PGM3: variants seen among roughly 807,000 people sequenced by gnomAD.
The protein encoded by PGM3 is phosphoacetylglucosamine mutase.
PGM3 carries 40 observed loss-of-function variants against 66.2 expected under a neutral mutation model. That is an observed-to-expected ratio of 0.60 (90% confidence interval 0.47 to 0.79). The LOEUF (loss-of-function observed/expected upper bound fraction) is 0.79, where lower values mean the gene tolerates loss of function less well. PGM3 is among the 30% of genes least tolerant of loss of function. The probability of loss-of-function intolerance (pLI) is 0.00; values close to 1 mark genes in which losing one functional copy is unlikely to be tolerated. For synonymous variants in PGM3, 191 were observed against 224.2 expected, an observed-to-expected ratio of 0.85 and a Z score of 1.32; for missense variants, 537 against 643.4, an observed-to-expected ratio of 0.83 and a Z score of 1.79.
At chr6:83,154,574 A>G in the PGM3 span, among the ~76,000 whole-genome samples, 1 of 152,202 alleles carries the variant, frequency 6.6e-6, no homozygotes, top group African/African-American at 2.4e-5. Flanking sequence ...ATAGCACTCA[A>G]TAAATAATTA....
chr6:83,191,473 T>C lies in PGM3; in HGVS notation c.-2-459A>G. ...GATTCTTGAGTGGACTGAAACTACA[T>C]ATCCCCAAATATCTGAGAAATCTTT... is the stretch of plus-strand genomic sequence containing the variant. On this transcript the variant is annotated intron_variant, in intron 1 of 12. Transcript: ENST00000513973. 2 of 546,114 alleles carry C rather than the reference T, an allele frequency of 3.7e-6. 1 individual carries two copies. Among genetic ancestry groups the C allele is most frequent in the South Asian group, 5.0e-5 (2 of 39,718 alleles). 33.8% of individuals were successfully genotyped at this position (546,114 alleles called of 1,614,324 possible). A position where few individuals can be genotyped will look rare whatever the true frequency, so the allele number is the denominator to read the frequency against.
At chr6:83,164,006 G>GT (rs1784837708), downstream of PGM3, among the ~76,000 whole-genome samples, 1 of 151,180 alleles carries the variant, frequency 6.6e-6, no homozygotes, top group African/African-American at 2.4e-5. Context: ...TTGGGCCTTT[G>GT]TTATTAACCT....
intron 5 of PGM3, among the ~76,000 whole-genome samples, chr6:83,182,492 T>C (rs1253008418): frequency 2.6e-5 from 4 of 152,192 alleles, no homozygotes; most frequent in African/African-American, 9.7e-5. Context: ...CCAATATACC[T>C]AGAAGAAAAT....
At chr6:83,188,380 A>G in intron 3 of PGM3, 2 of 395,752 alleles carry the variant, frequency 5.1e-6, no homozygotes, top group Non-Finnish European at 9.1e-6. Context: ...TTTTACATAC[A>G]TTATTCTGCA....
At chr6:83,154,318 G>A in the PGM3 span, 1 of 1,267,772 alleles carries the variant, frequency 7.9e-7, no homozygotes, top group Admixed American at 1.8e-5. Context: ...ACTCTTTTCT[G>A]GAGACTAGGA....
chr6:83,155,964 G>A, the PGM3 span: 1 of 1,612,170 alleles, frequency 6.2e-7, no homozygotes, highest in Admixed American at 1.7e-5. Context: ...GTGTAGCAGT[G>A]GCTCAAAGCA....
chr6:83,164,427 T>G (rs1167862552), downstream of PGM3, among the ~76,000 whole-genome samples: 2 of 152,046 alleles, frequency 1.3e-5, no homozygotes, highest in Non-Finnish European at 2.9e-5. Flanking sequence ...CAGGCACATG[T>G]CCTTTTCTGT....
downstream of PGM3, chr6:83,158,646 G>T: frequency 6.4e-7 from 1 of 1,555,356 alleles, no homozygotes. Flanking sequence ...TAAATATATT[G>T]TTGTCCATTT....
At chr6:83,152,713 G>C in the PGM3 span, among the ~76,000 whole-genome samples, 1 of 151,358 alleles carries the variant, frequency 6.6e-6, no homozygotes, top group African/African-American at 2.4e-5. Flanking sequence ...TGCCTCCCGG[G>C]CTCAAGCTAT....
rs1023705140 is a variant in PGM3 at position 83,186,938 on chromosome 6, T to C, written c.457+70A>G. 6.1e-6 allele frequency: 5 copies of C among 826,162 alleles called. No individual in the cohort carries two copies. The African/African-American group carries it at 8.9e-5, about 15-fold the overall frequency. 51.2% of individuals were successfully genotyped at this position (826,162 alleles called of 1,614,324 possible). On this transcript the variant is annotated intron_variant, in intron 4 of 12. Transcript: ENST00000513973. ...GTATTTTCAAACTTTTCTAAATAAA[T>C]ATACATTACTTTTGTAAATTAAAGT...
intron 4 of PGM3, among the ~76,000 whole-genome samples, chr6:83,183,643 T>C (rs1377391412): frequency 6.6e-6 from 1 of 152,190 alleles, no homozygotes; most frequent in Non-Finnish European, 1.5e-5. Flanking sequence ...AAACCCATTC[T>C]TGAAGAGCTG....
Position 83,166,351 on chromosome 6 carries a change from A to C in PGM3, c.*2883T>G, listed in dbSNP as rs1488782092. On this transcript the variant is annotated 3_prime_UTR_variant, in exon 13 of 13. Coordinates refer to ENST00000513973, the MANE Select transcript of PGM3 (RefSeq NM_015599.3). ...ACTGGCCACTGCACTCCTCATCTTC[A>C]AGGCTCTAGTCTCCTTTGCAAAACT... 2.9e-6 allele frequency: 2 copies of C among 692,786 alleles called. No individual in the cohort carries two copies. The highest frequency in any genetic ancestry group is 3.5e-5 in the African/African-American group (2 of 56,900). The allele number at this position is 692,786 out of a possible 1,614,324, so 42.9% of individuals were successfully genotyped here.
chr6:83,148,863 G>A, the PGM3 span: 1 of 1,499,398 alleles, frequency 6.7e-7, no homozygotes, highest in Non-Finnish European at 8.9e-7. Context: ...CTTATACTTG[G>A]GTAAGCAATT....
intron 10 of PGM3, 61 bp from the exon 11 acceptor site, chr6:83,172,120 G>GT: frequency 1.9e-6 from 3 of 1,571,688 alleles, no homozygotes; most frequent in Non-Finnish European, 2.6e-6. Flanking sequence ...GGAAATGGAT[G>GT]TTTTTTCTTA....
the PGM3 span, chr6:83,152,282 T>C: frequency 6.5e-7 from 1 of 1,534,908 alleles, no homozygotes; most frequent in Non-Finnish European, 8.8e-7. Flanking sequence ...TTTCTCTTAT[T>C]TATAGATATG....
At chr6:83,154,992 C>A in the PGM3 span, among the ~76,000 whole-genome samples, 1 of 151,984 alleles carries the variant, frequency 6.6e-6, no homozygotes, top group African/African-American at 2.4e-5. Context: ...TATTAAAAGA[C>A]AACAGTGGGC....
At chr6:83,153,620 G>A in the PGM3 span, 1 of 1,574,204 alleles carries the variant, frequency 6.4e-7, no homozygotes, top group Non-Finnish European at 8.6e-7. Context: ...AGAAATCACA[G>A]GTACTATCAT....
intron 12 of PGM3, 82 bp downstream of exon 12, chr6:83,170,223 G>T: frequency 7.8e-7 from 1 of 1,275,906 alleles, no homozygotes; most frequent in Non-Finnish European, 1.1e-6. Flanking sequence ...TCATCATAGT[G>T]AGATTCTAAA....
Position 83,172,003 on chromosome 6 carries a change from C to A in PGM3, c.1299G>T (p.Lys433Asn). ...CATCCCACTGTTGTACAGTCAAGCC[C>A]TTCAGAGCCAAGATTGCTTCAATCA... ...MLVIEAILAL[K>N]GLTVQQWDAL... is the part of the protein sequence containing the mutation. The change falls in exon 11 of 13, where the codon AAG becomes AAT. Residue 433 changes from lysine to asparagine, a missense_variant. Physicochemically the swap from Lys to Asn is moderately conservative, Grantham distance 94 (BLOSUM62 0). Coordinates refer to ENST00000513973, the MANE Select transcript of PGM3 (RefSeq NM_015599.3). 1 of 1,613,618 alleles carries A rather than the reference C, an allele frequency of 6.2e-7. No homozygotes were observed.
Sources: gnomAD v4.1 joint callset for allele counts (sites outside exome capture counted in the v4.1 genomes callset) on GRCh38, gnomAD v4.1.1 for gene constraint, MANE v1.5 for transcripts, NCBI Gene and HGNC (gene_info 2026-07-23, HGNC 2026-07-21) for gene names.